The following GCNT2 variants were observed in gnomAD, a reference collection of about 807,000 sequenced individuals.
GCNT2 encodes N-acetyllactosaminide beta-1,6-N-acetylglucosaminyl-transferase.
A neutral mutation model predicts 34.2 loss-of-function variants in GCNT2; 34 were observed. That is an observed-to-expected ratio of 1.00 (90% confidence interval 0.76 to 1.32). The LOEUF (loss-of-function observed/expected upper bound fraction) is 1.32. GCNT2 is among the 40% of genes most tolerant of loss of function. GCNT2 has a pLI of 0.00. For synonymous variants in GCNT2, 212 were observed against 188.0 expected, an observed-to-expected ratio of 1.13 and a Z score of -1.04; for missense variants, 584 against 489.4, an observed-to-expected ratio of 1.19 and a Z score of -1.82.
At chr6:10,614,701 T>C (rs1765692638) in intron 3 of GCNT2, among the ~76,000 whole-genome samples, 1 of 141,348 alleles carries the variant, frequency 7.1e-6, no homozygotes, top group Admixed American at 6.8e-5. Context: ...GTAGAGATTA[T>C]TACACCTTAA....
chr6:10,598,946 C>T (rs1246909064), intron 3 of GCNT2, among the ~76,000 whole-genome samples: 1 of 152,126 alleles, frequency 6.6e-6, no homozygotes, highest in Non-Finnish European at 1.5e-5. Context: ...CCTGGAATGG[C>T]GCATGGTGCC....
intron 3 of GCNT2, among the ~76,000 whole-genome samples, chr6:10,577,767 C>A (rs986993482): frequency 6.6e-6 from 1 of 152,022 alleles, no homozygotes; most frequent in Admixed American, 6.6e-5. Flanking sequence ...TCTTGAACTC[C>A]TGTCCTCTGG....
At chr6:10,528,103 G>A (rs1053218904) in intron 2 of GCNT2, among the ~76,000 whole-genome samples, 1 of 152,162 alleles carries the variant, frequency 6.6e-6, no homozygotes, top group Non-Finnish European at 1.5e-5. Context: ...AAAGAAGTTA[G>A]CCTTTATTCA....
intron 3 of GCNT2, chr6:10,586,799 C>T: frequency 6.2e-7 from 1 of 1,613,786 alleles, no homozygotes; most frequent in Non-Finnish European, 8.5e-7. Context: ...TGGCGCTTAC[C>T]AGAGACTTTG....
chr6:10,530,805 A>G (rs892549593), intron 3 of GCNT2, among the ~76,000 whole-genome samples: 2 of 152,168 alleles, frequency 1.3e-5, no homozygotes, highest in African/African-American at 4.8e-5. Flanking sequence ...CTGTAATCCC[A>G]GCACTTTGGG....
intron 3 of GCNT2, among the ~76,000 whole-genome samples, chr6:10,532,945 C>T (rs1162052236): frequency 1.0e-5 from 1 of 95,418 alleles, no homozygotes; most frequent in Non-Finnish European, 1.9e-5. Flanking sequence ...GGCAGGTGTG[C>T]GAGGGACATT....
At chr6:10,606,256 A>C (rs1765306124) in intron 3 of GCNT2, among the ~76,000 whole-genome samples, 1 of 152,246 alleles carries the variant, frequency 6.6e-6, no homozygotes, top group Non-Finnish European at 1.5e-5. Context: ...CAGAGGTTGC[A>C]GTGAGCCAAG....
intron 3 of GCNT2, among the ~76,000 whole-genome samples, chr6:10,601,106 A>G (rs1765071166): frequency 6.6e-6 from 1 of 152,088 alleles, no homozygotes; most frequent in Admixed American, 6.5e-5. Context: ...GGTAGTTTTA[A>G]TATCTATTGA....
At chr6:10,563,408 G>C (rs554376217) in intron 3 of GCNT2, among the ~76,000 whole-genome samples, 2 of 152,052 alleles carry the variant, frequency 1.3e-5, no homozygotes, top group Non-Finnish European at 2.9e-5. Context: ...CATAAGAAGG[G>C]GACTGTTCCC....
At chr6:10,584,449 A>T (rs1321934742) in intron 3 of GCNT2, among the ~76,000 whole-genome samples, 1 of 152,040 alleles carries the variant, frequency 6.6e-6, no homozygotes, top group Non-Finnish European at 1.5e-5. Context: ...CCTTCCTCTT[A>T]TCTCAACCGC....
chr6:10,568,347 C>T (rs1395549105), intron 3 of GCNT2, among the ~76,000 whole-genome samples: 3 of 152,184 alleles, frequency 2.0e-5, no homozygotes, highest in African/African-American at 4.8e-5. Context: ...TTCCCCACTT[C>T]TGGTACCCCA....
chr6:10,538,841 C>T (rs977419204), intron 3 of GCNT2, among the ~76,000 whole-genome samples: 1 of 152,010 alleles, frequency 6.6e-6, no homozygotes, highest in Non-Finnish European at 1.5e-5. Flanking sequence ...AGAGACATGA[C>T]CCTGTTTTAA....
intron 3 of GCNT2, among the ~76,000 whole-genome samples, chr6:10,595,380 C>T (rs1764810039): frequency 3.3e-5 from 5 of 151,966 alleles, no homozygotes; most frequent in Admixed American, 3.3e-4. Flanking sequence ...TGGGTTCACG[C>T]CATTCTCCTG....
intron 3 of GCNT2, among the ~76,000 whole-genome samples, chr6:10,560,959 G>A (rs1561800473): frequency 2.0e-5 from 3 of 152,084 alleles, no homozygotes; most frequent in Admixed American, 2.0e-4. Context: ...CCTCCCTTCT[G>A]CTTACATTCT....
intron 3 of GCNT2, among the ~76,000 whole-genome samples, chr6:10,572,046 C>T (rs1028398037): frequency 6.7e-6 from 1 of 149,550 alleles, no homozygotes; most frequent in Non-Finnish European, 1.5e-5. Context: ...AACAATTCTC[C>T]CTGGTCTGCC....
intron 3 of GCNT2, among the ~76,000 whole-genome samples, chr6:10,601,952 AAAAAAAAAC>A (rs1281353716): frequency 1.3e-5 from 2 of 148,792 alleles, no homozygotes; most frequent in African/African-American, 5.2e-5. Flanking sequence ...AGAAAAAAAA[AAAAAAAAAC>A]AAAAAAAACA....
At chr6:10,569,283 T>C (rs966497906) in intron 3 of GCNT2, among the ~76,000 whole-genome samples, 2 of 39,122 alleles carry the variant, frequency 5.1e-5, no homozygotes, top group African/African-American at 1.3e-4. Context: ...ACCCCCTAGG[T>C]AATTTTGCCA....
chr6:10,529,196 C>G lies in GCNT2; in HGVS notation c.285C>G (p.Phe95Leu). ...CACTCTCTGAAGAAGAGGCTGGGTT[C>G]CCTTTAGCTTACACAGTGACCATCC... is the stretch of plus-strand genomic sequence containing the variant. ...TETLSEEEAGFPLAYTVTIHK... is the reference protein window; with the variant it reads ...TETLSEEEAGLPLAYTVTIHK... The change falls in exon 3 of 5, where the codon TTC becomes TTG. Residue 95 changes from phenylalanine (F) to leucine (L), a missense_variant. Coordinates refer to ENST00000495262, the MANE Select transcript of GCNT2 (RefSeq NM_145649.5). 1 of 1,614,152 alleles carries G rather than the reference C, an allele frequency of 6.2e-7. No homozygotes were observed. The highest frequency in any genetic ancestry group is 8.5e-7 in the Non-Finnish European group (1 of 1,180,026).
chr6:10,553,253 C>A (rs1485112471), intron 3 of GCNT2, among the ~76,000 whole-genome samples: 1 of 152,190 alleles, frequency 6.6e-6, no homozygotes, highest in Non-Finnish European at 1.5e-5. Context: ...CCTGGAGGTG[C>A]TCCTCCACTG....
Sources: allele counts gnomAD v4.1 joint callset (sites outside exome capture counted in the v4.1 genomes callset), GRCh38; gene constraint gnomAD v4.1.1; transcripts MANE v1.5; gene names NCBI Gene and HGNC (gene_info 2026-07-23, HGNC 2026-07-21).